The following MEX3C variants were observed in gnomAD, a reference collection of about 807,000 sequenced individuals.
The protein encoded by MEX3C is RNA-binding E3 ubiquitin-protein ligase MEX3C.
MEX3C carries 15 observed loss-of-function variants against 35.5 expected under a neutral mutation model. That is an observed-to-expected ratio of 0.42 (90% confidence interval 0.28 to 0.65). The LOEUF (loss-of-function observed/expected upper bound fraction) is 0.65, where lower values mean the gene tolerates loss of function less well. MEX3C is among the 30% of genes least tolerant of loss of function. The pLI is 0.20. For synonymous variants in MEX3C, 390 were observed against 352.8 expected (o/e 1.11, Z -1.18); for missense variants, 711 against 842.8 (o/e 0.84, Z 1.94).
rs1475680276 is a variant in MEX3C, at chr18:51,174,571, C to CT, written c.*1779dup. 1 of 152,566 alleles carries CT rather than the reference C, an allele frequency of 6.6e-6. No individual in the cohort carries two copies. Among genetic ancestry groups the CT allele is most frequent in the Non-Finnish European group, 1.5e-5 (1 of 68,032 alleles). 9.5% of individuals were successfully genotyped at this position (152,566 alleles called of 1,614,324 possible). A position where few individuals can be genotyped will look rare whatever the true frequency, so the allele number is the denominator to read the frequency against. On this transcript the variant is annotated 3_prime_UTR_variant, in exon 2 of 2. Transcript: ENST00000406189. Reference sequence around the variant, plus strand: ...TACATTCAAGTTAATGGAAACAAGTCTTTATTAAGTAACTTTTAATATCAG... The same window carrying CT: ...TACATTCAAGTTAATGGAAACAAGTCTTTTATTAAGTAACTTTTAATATCAG...
Position 51,176,228 on chromosome 18 carries a change from C to T in MEX3C, c.*123G>A, listed in dbSNP as rs189725543. On this transcript the variant is annotated 3_prime_UTR_variant, in exon 2 of 2. Transcript: ENST00000406189. Reference sequence around the variant, plus strand: ...TTATAAGTTTACTAACAACTTTAGCCTAATCCCAATAAAGCCTGATAACAG... The same window carrying T: ...TTATAAGTTTACTAACAACTTTAGCTTAATCCCAATAAAGCCTGATAACAG... 2.0e-6 allele frequency: 2 copies of T among 1,004,856 alleles called. No homozygotes were observed. The highest frequency in any genetic ancestry group is 5.3e-5 in the East Asian group (2 of 37,504). 62.2% of individuals were successfully genotyped at this position (1,004,856 alleles called of 1,614,324 possible).
intron 1 of MEX3C, among the ~76,000 whole-genome samples, chr18:51,180,148 A>T (rs993753803): frequency 1.3e-5 from 2 of 152,200 alleles, no homozygotes; most frequent in Admixed American, 6.5e-5. Context: ...CTATGTAAAA[A>T]TCCCTTAATC....
intron 1 of MEX3C, among the ~76,000 whole-genome samples, chr18:51,191,900 G>A (rs995123367): frequency 6.6e-6 from 1 of 152,080 alleles, no homozygotes; most frequent in African/African-American, 2.4e-5. Context: ...GACTGTCACA[G>A]GCAGTTTGGT....
chr18:51,196,461 TGGG>T, intron 1 of MEX3C, 103 bp downstream of exon 1: 1 of 1,474,606 alleles, frequency 6.8e-7, no homozygotes, highest in Non-Finnish European at 8.9e-7. Flanking sequence ...GCGGTGGACT[TGGG>T]GGCCTCGCCG....
chr18:51,194,471 T>C (rs1181324312), intron 1 of MEX3C: 3 of 152,324 alleles, frequency 2.0e-5, no homozygotes, highest in South Asian at 2.1e-4. Context: ...TATCACGTAA[T>C]AGCTGGTACA....
At chr18:51,192,100 T>C (rs1912663888) in intron 1 of MEX3C, among the ~76,000 whole-genome samples, 2 of 152,182 alleles carry the variant, frequency 1.3e-5, no homozygotes, top group African/African-American at 4.8e-5. Flanking sequence ...TTCCAACCTA[T>C]AAACATTGTT....
At position 51,177,605 on chromosome 18, in the gene MEX3C, T is replaced by A; in HGVS notation, c.755-29A>T. The A allele has an allele frequency of 6.4e-7, 1 of 1,552,952 alleles. No individual in the cohort carries two copies. Among genetic ancestry groups the A allele is most frequent in the Non-Finnish European group, 8.7e-7 (1 of 1,154,168 alleles). ...TTAGAAAGAAAACATTTCATAAGAA[T>A]CAACATCTACTTCAATGATATATAT... On this transcript the variant is annotated intron_variant, in intron 1 of 1. Transcript: ENST00000406189. The surrounding 1 kb of genome is among the most constrained non-coding windows in gnomAD (Gnocchi z 4.2).
chr18:51,196,386 G>T, intron 1 of MEX3C, 181 bp downstream of exon 1: 2 of 1,331,150 alleles, frequency 1.5e-6, no homozygotes, highest in Non-Finnish European at 2.0e-6. Flanking sequence ...GCGGAAAAGC[G>T]TGGGTTTTCG....
At position 51,175,815 on chromosome 18, in the gene MEX3C, A is replaced by C. The variant is rs763714870; in HGVS notation, c.*536T>G. 6.5e-6 allele frequency: 1 copy of C among 152,780 alleles called. No homozygotes were observed. The highest frequency in any genetic ancestry group is 6.5e-5 in the Admixed American group (1 of 15,284). The allele number at this position is 152,780 out of a possible 1,614,324, so 9.5% of individuals were successfully genotyped here. A position where few individuals can be genotyped will look rare whatever the true frequency, so the allele number is the denominator to read the frequency against. ...ACTGCCATCAGCCCTATCATTACCA[A>C]TAAGTAATCACAATGCATTAAAAAG... On this transcript the variant is annotated 3_prime_UTR_variant, in exon 2 of 2. Transcript: ENST00000406189.
chr18:51,178,054 C>CA (rs1469069852), intron 1 of MEX3C, among the ~76,000 whole-genome samples: 2 of 150,722 alleles, frequency 1.3e-5, no homozygotes, highest in Non-Finnish European at 3.0e-5. Context: ...AACATGAATG[C>CA]AAAAAAGATG....
chr18:51,196,761 A>G lies in MEX3C; in HGVS notation c.560T>C (p.Leu187Pro). 1.3e-6 allele frequency: 2 copies of G among 1,504,146 alleles called. No individual in the cohort carries two copies. Among genetic ancestry groups the G allele is most frequent in the Non-Finnish European group, 1.8e-6 (2 of 1,126,526 alleles). The allele number at this position is 1,504,146 out of a possible 1,614,324, so 93.2% of individuals were successfully genotyped here. A position where few individuals can be genotyped will look rare whatever the true frequency, so the allele number is the denominator to read the frequency against. Residue 187 changes from leucine to proline, a missense_variant, in exon 1 of 2, where the codon CTG becomes CCG. By Grantham distance (98) the Leu-to-Pro change is moderately conservative (BLOSUM62 -3). Transcript: ENST00000406189. ...GCCCTGGGCATCGTCCCCTCCGTAC[A>G]GCACCCCCGCCGCCGCCGCCGCGGC... ...AAAAAAAAGVLYGGDDAQGMM... is the reference protein window; with the variant it reads ...AAAAAAAAGVPYGGDDAQGMM...
chr18:51,191,221 C>T (rs1179839583), intron 1 of MEX3C, among the ~76,000 whole-genome samples: 1 of 152,152 alleles, frequency 6.6e-6, no homozygotes, highest in Non-Finnish European at 1.5e-5. Context: ...TTGTCATATA[C>T]TTTCTCAGCC....
rs1912321903 is a variant in MEX3C at position 51,177,046 on chromosome 18, T to C, written c.1285A>G (p.Asn429Asp). 1 of 1,613,954 alleles carries C rather than the reference T, an allele frequency of 6.2e-7. No individual in the cohort carries two copies. The highest frequency in any genetic ancestry group is 8.5e-7 in the Non-Finnish European group (1 of 1,179,882). Residue 429 changes from asparagine (N) to aspartate (D), a missense_variant, in exon 2 of 2, where the codon AAT becomes GAT. Asn to Asp is a conservative substitution (Grantham distance 23, BLOSUM62 1). Coordinates refer to ENST00000406189, the MANE Select transcript of MEX3C (RefSeq NM_016626.5). This position sits in a 1 kb window ranked among gnomAD's most constrained non-coding sequence, Gnocchi z 4.2. ...GTLGSAWLSSNPVPPSRARMI... is the reference protein window; with the variant it reads ...GTLGSAWLSSDPVPPSRARMI... Reference sequence around the variant, plus strand: ...CTTGCGCGGCTAGGAGGAACAGGATTGGAGGAGAGCCACGCAGAGCCAAGA... The same window carrying C: ...CTTGCGCGGCTAGGAGGAACAGGATCGGAGGAGAGCCACGCAGAGCCAAGA...
intron 1 of MEX3C, among the ~76,000 whole-genome samples, chr18:51,191,459 T>C (rs1912646573): frequency 6.6e-6 from 1 of 152,104 alleles, no homozygotes; most frequent in Non-Finnish European, 1.5e-5. Context: ...TAAACCATAG[T>C]TGTTTTAACA....
intron 1 of MEX3C, among the ~76,000 whole-genome samples, chr18:51,181,501 C>G (rs1912429382): frequency 1.7e-5 from 1 of 57,580 alleles, no homozygotes; most frequent in Non-Finnish European, 3.9e-5. Context: ...AAAAACCTTA[C>G]AACAATGCTA....
rs1912315091 is a variant in MEX3C, at chr18:51,176,777, T to G, written c.1554A>C (p.Pro518=). 6.2e-7 allele frequency: 1 copy of G among 1,613,246 alleles called. No individual in the cohort carries two copies. The highest frequency in any genetic ancestry group is 1.1e-5 in the South Asian group (1 of 91,062). ...TIWTPFEPVN[P]LSGFGSDPSG... ...AAGGATCACTCCCAAAGCCAGAGAG[T>G]GGGTTAACTGGTTCAAATGGAGTCC... Residue 518 remains proline, a synonymous_variant, in exon 2 of 2, where the codon CCA becomes CCC. Coordinates refer to ENST00000406189, the MANE Select transcript of MEX3C (RefSeq NM_016626.5).
Position 51,176,289 on chromosome 18 carries a change from C to A in MEX3C, c.*62G>T, listed in dbSNP as rs1599248385. The A allele has an allele frequency of 7.1e-7, 1 of 1,399,422 alleles. No individual in the cohort carries two copies. The highest frequency in any genetic ancestry group is 9.6e-7 in the Non-Finnish European group (1 of 1,038,494). 86.7% of individuals were successfully genotyped at this position (1,399,422 alleles called of 1,614,324 possible). A position where few individuals can be genotyped will look rare whatever the true frequency, so the allele number is the denominator to read the frequency against. ...TCATTAGGAAGTTTACTGGGGGGTA[C>A]CATTATACCCATGCCTTTACGAGTC... On this transcript the variant is annotated 3_prime_UTR_variant, in exon 2 of 2. Coordinates refer to ENST00000406189, the MANE Select transcript of MEX3C (RefSeq NM_016626.5).
At chr18:51,180,511 T>A (rs1414198446) in intron 1 of MEX3C, among the ~76,000 whole-genome samples, 1 of 152,120 alleles carries the variant, frequency 6.6e-6, no homozygotes, top group African/African-American at 2.4e-5. Context: ...AGATGGAGTC[T>A]CTGTCGCCCA....
At chr18:51,195,615 T>G (rs375884881) in intron 1 of MEX3C, 27 of 152,264 alleles carry the variant, frequency 1.8e-4, no homozygotes, top group African/African-American at 6.0e-4. Flanking sequence ...TGTCATGCGG[T>G]GGCAGCAGGT....
Sources: allele counts gnomAD v4.1 joint callset (sites outside exome capture counted in the v4.1 genomes callset), GRCh38; gene constraint gnomAD v4.1.1; non-coding constraint Gnocchi (gnomAD v3.1); transcripts MANE v1.5; gene names NCBI Gene and HGNC (gene_info 2026-07-23, HGNC 2026-07-21).